Variants in RFC2 observed in about 807,000 individuals in gnomAD.
RFC2 encodes replication factor C subunit 2, also known as A1 40 kDa subunit.
In RFC2, 34 loss-of-function variants were observed where a neutral mutation model predicts 44.8. The ratio of observed to expected loss-of-function variants is 0.76; its 90% CI spans 0.58 to 1.01. The LOEUF is 1.01. RFC2 is among the 50% of genes least tolerant of loss of function. The pLI is 0.00. For missense variants in RFC2, 400 were observed against 453.6 expected (o/e 0.88, Z 1.07); for synonymous variants, 177 against 168.9 (o/e 1.05, Z -0.37).
chr7:74,252,863 C>T (rs782673476), intron 1 of RFC2, among the ~76,000 whole-genome samples: 8 of 152,098 alleles, frequency 5.3e-5, no homozygotes, highest in Non-Finnish European at 8.8e-5. Flanking sequence ...ACCTGGGAGG[C>T]AGAAGTTGCA....
chr7:74,252,124 A>G (rs1214195757), intron 2 of RFC2, among the ~76,000 whole-genome samples: 2 of 129,486 alleles, frequency 1.5e-5, no homozygotes, highest in Non-Finnish European at 3.2e-5. Context: ...AAAAAAAAAA[A>G]AGGCCAGGTG....
intron 7 of RFC2, among the ~76,000 whole-genome samples, chr7:74,239,497 A>C (rs1803207965): frequency 6.6e-6 from 1 of 151,864 alleles, no homozygotes; most frequent in Non-Finnish European, 1.5e-5. Context: ...ACGCCTGGCT[A>C]ATTTTTTGTA....
chr7:74,240,854 G>A (rs782638324), intron 6 of RFC2, among the ~76,000 whole-genome samples: 8 of 151,996 alleles, frequency 5.3e-5, no homozygotes, highest in Non-Finnish European at 8.8e-5. Context: ...TCGAACTCCT[G>A]GCCTCAAGTA....
rs375084212 is a variant in RFC2 at position 74,254,225 on chromosome 7, AC to A, written c.113+45del. On this transcript the variant is annotated intron_variant, in intron 1 of 10. Transcript: ENST00000055077. ...CCGGAGCACGGCCCGCCACTCGCCC[AC>A]CCTCACGTCCAAACGCGCCCATTCT... 4 of 1,422,260 alleles carry A rather than the reference AC, an allele frequency of 2.8e-6. No individual in the cohort carries two copies. In the African/African-American group the frequency reaches 5.6e-5, roughly 20 times the overall value. The allele number at this position is 1,422,260 out of a possible 1,614,324, so 88.1% of individuals were successfully genotyped here. A position where few individuals can be genotyped will look rare whatever the true frequency, so the allele number is the denominator to read the frequency against.
At chr7:74,245,969 G>T (rs536141154) in intron 5 of RFC2, among the ~76,000 whole-genome samples, 2 of 151,708 alleles carry the variant, frequency 1.3e-5, no homozygotes, top group South Asian at 4.2e-4. Context: ...GGCTGAGGCG[G>T]GCGGATCACG....
At chr7:74,247,000 G>C (rs1336023238) in intron 4 of RFC2, among the ~76,000 whole-genome samples, 1 of 144,628 alleles carries the variant, frequency 6.9e-6, no homozygotes, top group Admixed American at 6.9e-5. Flanking sequence ...TCTTCAGACA[G>C]GGTCTCGCTG....
intron 5 of RFC2, 74 bp downstream of exon 5, chr7:74,246,588 T>C: frequency 2.9e-6 from 3 of 1,026,026 alleles, no homozygotes; most frequent in South Asian, 1.4e-5. Flanking sequence ...AAAAGTGCTT[T>C]TTATCCTGAT....
At chr7:74,253,183 C>T (rs1787068269) in intron 1 of RFC2, among the ~76,000 whole-genome samples, 3 of 152,080 alleles carry the variant, frequency 2.0e-5, no homozygotes, top group Admixed American at 2.0e-4. Context: ...ATGGGTGCAA[C>T]CAAGCTCCTT....
intron 9 of RFC2, among the ~76,000 whole-genome samples, chr7:74,236,902 T>C (rs1267783377): frequency 6.6e-6 from 1 of 151,950 alleles, no homozygotes; most frequent in Non-Finnish European, 1.5e-5. Context: ...GAGGCTACAG[T>C]GAGCTGTGAC....
At chr7:74,253,720 A>T (rs1440973774) in intron 1 of RFC2, 1 of 146,888 alleles carries the variant, frequency 6.8e-6, no homozygotes, top group Admixed American at 6.8e-5. Flanking sequence ...GACTCCATCT[A>T]AAAAAAAAAA....
intron 5 of RFC2, among the ~76,000 whole-genome samples, chr7:74,246,036 A>G (rs1343236650): frequency 6.6e-6 from 1 of 151,704 alleles, no homozygotes; most frequent in African/African-American, 2.4e-5. Flanking sequence ...CTCTACTAAA[A>G]ATACAAAAAA....
intron 9 of RFC2, among the ~76,000 whole-genome samples, chr7:74,237,105 CATG>C (rs1377507547): frequency 2.0e-5 from 3 of 151,974 alleles, no homozygotes; most frequent in Admixed American, 2.0e-4. Flanking sequence ...TAACACATAG[CATG>C]ATATTAATAA....
rs1554720111 is a variant in RFC2 at position 74,246,773 on chromosome 7, T to C, written c.333-10A>G. 1 of 1,597,238 alleles carries C rather than the reference T, an allele frequency of 6.3e-7. No homozygotes were observed. Among genetic ancestry groups the C allele is most frequent in the African/African-American group, 1.3e-5 (1 of 74,612 alleles). On this transcript the variant is annotated splice_polypyrimidine_tract_variant and intron_variant, in intron 4 of 10. Transcript: ENST00000055077. ...CACAACGTCAATGCCCCTGAAAGAA[T>C]GACAGGTTTTTACTGGCACCTTCTG...
In RFC2 at chr7:74,247,372, G is replaced by A. The variant is rs146316988; in HGVS notation, c.333-609C>T. Among the ~76,000 whole-genome samples the A allele has an allele frequency of 7.0e-4, 106 of 152,270 alleles. 1 individual carries two copies. The Middle Eastern group carries it at 0.02, about 29-fold the overall frequency. On this transcript the variant is annotated intron_variant, in intron 4 of 10. Transcript: ENST00000055077. ...ATAACTGCAATGTAGGCCAAGCATG[G>A]TGGCTCACACCTGTAATCCCAACAC... is the stretch of plus-strand genomic sequence containing the variant.
At chr7:74,245,215 G>A (rs560719356) in intron 5 of RFC2, among the ~76,000 whole-genome samples, 1 of 151,612 alleles carries the variant, frequency 6.6e-6, no homozygotes, top group Admixed American at 6.6e-5. Context: ...TTTTAGTAGA[G>A]ACGAAGTTTC....
At chr7:74,235,509 G>C (rs1554718133) in intron 10 of RFC2, 23 bp downstream of exon 10, 2 of 1,402,536 alleles carry the variant, frequency 1.4e-6, no homozygotes, top group Non-Finnish European at 2.0e-6. Flanking sequence ...TGAGGACAGA[G>C]GCATTTCTAC....
chr7:74,247,595 G>A (rs1423478958), intron 4 of RFC2, among the ~76,000 whole-genome samples: 1 of 152,062 alleles, frequency 6.6e-6, no homozygotes, highest in Non-Finnish European at 1.5e-5. Context: ...AGTCGAGATC[G>A]TGCCACTGCA....
In RFC2 at chr7:74,232,037, C is replaced by T. The variant is rs1279582917; in HGVS notation, c.*69G>A. The T allele has an allele frequency of 1.1e-6, 1 of 929,190 alleles. No individual in the cohort carries two copies. Among genetic ancestry groups the T allele is most frequent in the Admixed American group, 2.0e-5 (1 of 50,552 alleles). 57.6% of individuals were successfully genotyped at this position (929,190 alleles called of 1,614,324 possible). ...CTCCAGCCTAAGGCGGCATTTTCCC[C>T]CATCAGAAAGCCGCGGCTCCTGTAC... On this transcript the variant is annotated 3_prime_UTR_variant, in exon 11 of 11. Coordinates refer to ENST00000055077, the MANE Select transcript of RFC2 (RefSeq NM_181471.3).
intron 5 of RFC2, among the ~76,000 whole-genome samples, chr7:74,243,477 G>T (rs1003229930): frequency 2.0e-5 from 3 of 151,982 alleles, no homozygotes. Context: ...TGAAACTCAC[G>T]AAAACCACGA....
Sources: gnomAD v4.1 joint callset for allele counts (sites outside exome capture counted in the v4.1 genomes callset) on GRCh38, gnomAD v4.1.1 for gene constraint, MANE v1.5 for transcripts, NCBI Gene and HGNC (gene_info 2026-07-23, HGNC 2026-07-21) for gene names.